The following MCU variants were observed in gnomAD, a reference collection of about 807,000 sequenced individuals.
MCU encodes mitochondrial calcium uniporter.
MCU carries 12 observed loss-of-function variants against 45.2 expected under a neutral mutation model. That is an observed-to-expected ratio of 0.27 (90% CI 0.17 to 0.43). MCU has a LOEUF of 0.43. Ranked by LOEUF, MCU falls within the 20% of genes least tolerant of loss-of-function variation. MCU has a pLI of 1.00. For synonymous variants in MCU, 160 were observed against 165.1 expected (o/e 0.97, Z 0.24); for missense variants, 324 against 436.7 (o/e 0.74, Z 2.30).
chr10:72,752,272 T>A (rs890610407), intron 1 of MCU, among the ~76,000 whole-genome samples: 14 of 151,302 alleles, frequency 9.3e-5, no homozygotes, highest in Non-Finnish European at 1.8e-4. Flanking sequence ...TTTTTTTTTT[T>A]AATACTAGAG....
Position 72,785,836 on chromosome 10 carries a change from T to C in MCU, c.151-48523T>C, listed in dbSNP as rs1844063941. Among the ~76,000 whole-genome samples the C allele has an allele frequency of 3.9e-5, 6 of 152,218 alleles. No homozygotes were observed. The South Asian group carries it at 1.2e-3, about 32-fold the overall frequency. ...TAGAAATGGATGAAGAAAATCCTTT[T>C]GGAAAGGAGATTTTTATAGAAATCA... On this transcript the variant is annotated intron_variant, in intron 1 of 7. Coordinates refer to ENST00000373053, the MANE Select transcript of MCU (RefSeq NM_138357.3).
intron 1 of MCU, among the ~76,000 whole-genome samples, chr10:72,748,529 T>C (rs1297823672): frequency 2.0e-5 from 3 of 152,144 alleles, no homozygotes; most frequent in African/African-American, 7.2e-5. Flanking sequence ...GTCAAGGAGA[T>C]ATAATGGCTG....
intron 1 of MCU, among the ~76,000 whole-genome samples, chr10:72,811,418 G>A (rs1416321183): frequency 6.6e-6 from 1 of 152,196 alleles, no homozygotes; most frequent in Non-Finnish European, 1.5e-5. Context: ...GTTGTTCAAT[G>A]AGAAGAGGGC....
chr10:72,774,133 C>A (rs1843854361), intron 1 of MCU, among the ~76,000 whole-genome samples: 1 of 152,126 alleles, frequency 6.6e-6, no homozygotes, highest in Non-Finnish European at 1.5e-5. Context: ...TTGTGGTGTG[C>A]AGTACACTTA....
At chr10:72,721,181 C>G (rs575758474) in intron 1 of MCU, 2 of 154,154 alleles carry the variant, frequency 1.3e-5, no homozygotes, top group African/African-American at 4.8e-5. Context: ...TACCTCTGGT[C>G]GTAATTCAGC....
intron 1 of MCU, among the ~76,000 whole-genome samples, chr10:72,705,517 A>G (rs1246097881): frequency 3.3e-5 from 5 of 151,850 alleles, no homozygotes; most frequent in Admixed American, 2.0e-4. Context: ...CCCTGTCTCT[A>G]CTAAAAATAC....
In MCU at chr10:72,871,535, T is replaced by C. The variant is rs147595099; in HGVS notation, c.816T>C (p.Tyr272=). Residue 272 remains tyrosine, a synonymous_variant, in exon 6 of 8, where the codon TAT becomes TAC. Transcript: ENST00000373053. ...AGCCAGTAACATACTTCATCACTTA[T>C]GGAAGTGCCATGGCAATGTATGCAT... The part of the protein sequence containing the change: ...IMEPVTYFIT[Y]GSAMAMYAYF... 3.9e-5 allele frequency: 63 copies of C among 1,614,194 alleles called. No individual in the cohort carries two copies. The highest frequency in any genetic ancestry group is 5.1e-5 in the Non-Finnish European group (60 of 1,180,006).
chr10:72,692,648 T>C (rs1244875931), intron 1 of MCU: 16 of 1,164,680 alleles, frequency 1.4e-5, no homozygotes, highest in African/African-American at 1.6e-5. Context: ...GCCCCAAGGC[T>C]CCCTGAACGG....
rs1413642641 is a variant in MCU, at chr10:72,865,776, T to TG, written c.497-2927_497-2926insG. On this transcript the variant is annotated intron_variant, in intron 4 of 7. Coordinates refer to ENST00000373053, the MANE Select transcript of MCU (RefSeq NM_138357.3). ...CTGTGTGGTTTTGTTTTTTTTTTTG[T>TG]TTTTTTTTTTGTTTTTTTGAGATGG... Among the ~76,000 whole-genome samples the TG allele has an allele frequency of 2.9e-4, 41 of 139,276 alleles. 1 individual carries two copies. The highest frequency in any genetic ancestry group is 1.1e-3 in the African/African-American group (39 of 36,272). The allele number at this position is 139,276 out of a possible 152,430, so 91.4% of individuals were successfully genotyped here. A position where few individuals can be genotyped will look rare whatever the true frequency, so the allele number is the denominator to read the frequency against.
chr10:72,852,656 T>G (rs1043537894), intron 2 of MCU, among the ~76,000 whole-genome samples: 1 of 152,190 alleles, frequency 6.6e-6, no homozygotes, highest in Non-Finnish European at 1.5e-5. Flanking sequence ...AAACAGAGCT[T>G]GGCCATCTAG....
intron 1 of MCU, among the ~76,000 whole-genome samples, chr10:72,791,602 T>A (rs1844161968): frequency 1.3e-5 from 2 of 151,746 alleles, no homozygotes; most frequent in South Asian, 4.1e-4. Context: ...AGATATAGGA[T>A]AAGTTATTTT....
chr10:72,835,069 CTTG>C (rs945528875), intron 2 of MCU, among the ~76,000 whole-genome samples: 1 of 152,192 alleles, frequency 6.6e-6, no homozygotes, highest in African/African-American at 2.4e-5. Context: ...ACTCCAGCCT[CTTG>C]TTGTATCAGA....
chr10:72,856,813 C>T (rs1845298035), intron 2 of MCU, among the ~76,000 whole-genome samples: 1 of 1,376 alleles, frequency 7.3e-4, no homozygotes, highest in Admixed American at 5.9e-3. Context: ...CATGGTGGTG[C>T]ACGCCTGTAG....
intron 1 of MCU, among the ~76,000 whole-genome samples, chr10:72,707,883 A>G (rs899953003): frequency 6.6e-6 from 1 of 152,094 alleles, no homozygotes; most frequent in African/African-American, 2.4e-5. Flanking sequence ...TATGTTGTCC[A>G]GACTGGTCTT....
At chr10:72,819,750 A>G (rs1305729783) in intron 1 of MCU, among the ~76,000 whole-genome samples, 1 of 62,174 alleles carries the variant, frequency 1.6e-5, no homozygotes, top group African/African-American at 5.4e-5. Context: ...TTTTTTTTGC[A>G]CTGAGCCATT....
chr10:72,787,355 G>A (rs758814818), intron 1 of MCU, among the ~76,000 whole-genome samples: 4 of 152,138 alleles, frequency 2.6e-5, no homozygotes, highest in East Asian at 1.9e-4. Flanking sequence ...TGCAACCTCC[G>A]CCTCCCGGCT....
chr10:72,841,293 C>T (rs758346446), intron 2 of MCU, among the ~76,000 whole-genome samples: 44 of 151,944 alleles, frequency 2.9e-4, no homozygotes, highest in Admixed American at 1.3e-4. Context: ...GCCAAAATAA[C>T]TACCAGAAAA....
chr10:72,741,103 T>C (rs1444233863), intron 1 of MCU, among the ~76,000 whole-genome samples: 1 of 148,910 alleles, frequency 6.7e-6, no homozygotes, highest in African/African-American at 2.4e-5. Context: ...TTTTTCTTTT[T>C]TTTTTTTTTT....
At chr10:72,713,264 A>G (rs1415900291) in intron 1 of MCU, among the ~76,000 whole-genome samples, 2 of 152,152 alleles carry the variant, frequency 1.3e-5, no homozygotes, top group Admixed American at 1.3e-4. Context: ...ACCTCCAGTA[A>G]TGGGAGAGTT....
Sources: gnomAD v4.1 joint callset for allele counts (sites outside exome capture counted in the v4.1 genomes callset) on GRCh38, gnomAD v4.1.1 for gene constraint, MANE v1.5 for transcripts, NCBI Gene and HGNC (gene_info 2026-07-23, HGNC 2026-07-21) for gene names.